Variants in TTLL1 observed in about 807,000 individuals in gnomAD.
TTLL1 encodes TTL family tubulin polyglutamylase complex subunit L1.
A neutral mutation model predicts 47.8 loss-of-function variants in TTLL1; 33 were observed. The ratio of observed to expected loss-of-function variants is 0.69; its 90% CI spans 0.52 to 0.92. The LOEUF (loss-of-function observed/expected upper bound fraction) is 0.92, where lower values mean the gene tolerates loss of function less well. Ranked by LOEUF, TTLL1 falls within the 40% of genes least tolerant of loss-of-function variation. The probability of loss-of-function intolerance (pLI) is 0.00; values close to 1 mark genes in which losing one functional copy is unlikely to be tolerated. For missense variants in TTLL1, 488 were observed against 547.5 expected, an observed-to-expected ratio of 0.89 and a Z score of 1.08; for synonymous variants, 225 against 214.1, an observed-to-expected ratio of 1.05 and a Z score of -0.45.
chr22:43,061,089 C>T (rs571619197), intron 7 of TTLL1, among the ~76,000 whole-genome samples: 1 of 152,134 alleles, frequency 6.6e-6, no homozygotes, highest in Non-Finnish European at 1.5e-5. Context: ...ACTCGGGGGG[C>T]TGAGGCAGAA....
chr22:43,065,626 A>G (rs1183106696), intron 5 of TTLL1, among the ~76,000 whole-genome samples: 1 of 151,796 alleles, frequency 6.6e-6, no homozygotes, highest in Non-Finnish European at 1.5e-5. Context: ...TGTGTTGCCC[A>G]GGCTGGAGTG....
At chr22:43,042,938 CTTTTT>C (rs59595664) in intron 10 of TTLL1, among the ~76,000 whole-genome samples, 3 of 129,740 alleles carry the variant, frequency 2.3e-5, no homozygotes, top group Admixed American at 7.7e-5. Context: ...GCTGCTTTTT[CTTTTT>C]TTTTTTTTTT....
intron 1 of TTLL1, among the ~76,000 whole-genome samples, chr22:43,088,462 G>A (rs1218076236): frequency 2.0e-5 from 3 of 149,368 alleles, no homozygotes; most frequent in Non-Finnish European, 4.4e-5. Flanking sequence ...TCAGCCTCCC[G>A]AGTAGCTGGG....
In TTLL1 at chr22:43,051,831, G is replaced by A. The variant is rs756215079; in HGVS notation, c.948C>T (p.Ile316=). ...CFECYGYDII[I]DDKLKPWLIE... ...TCAGCCAGGGCTTCAGCTTGTCGTC[G>A]ATGATGATGTCGTAGCCATAGCATT... The change falls in exon 9 of 11, where the codon ATC becomes ATT. Residue 316 remains isoleucine (I), a synonymous_variant. Transcript: ENST00000266254. 6.2e-6 allele frequency: 10 copies of A among 1,613,900 alleles called. No individual in the cohort carries two copies. The highest frequency in any genetic ancestry group is 7.6e-6 in the Non-Finnish European group (9 of 1,180,004).
chr22:43,067,696 A>C (rs1927828990), intron 5 of TTLL1, among the ~76,000 whole-genome samples: 1 of 152,026 alleles, frequency 6.6e-6, no homozygotes. Flanking sequence ...ACAGGCCAGG[A>C]ACAGTGAATC....
chr22:43,069,961 C>A (rs1193470716), intron 3 of TTLL1, 117 bp from the exon 4 acceptor site: 37 of 1,447,902 alleles, frequency 2.6e-5, no homozygotes, highest in Non-Finnish European at 3.4e-5. Context: ...ACTCCCACAT[C>A]CCCTGGCACC....
At chr22:43,059,923 C>G (rs761241347) in intron 7 of TTLL1, among the ~76,000 whole-genome samples, 6 of 152,184 alleles carry the variant, frequency 3.9e-5, no homozygotes, top group Admixed American at 2.6e-4. Context: ...CTCCTGGCCT[C>G]AAGGGATCCT....
intron 3 of TTLL1, among the ~76,000 whole-genome samples, chr22:43,071,490 A>AGAT (rs1198034792): frequency 6.6e-6 from 1 of 151,974 alleles, no homozygotes; most frequent in African/African-American, 2.4e-5. Flanking sequence ...GCTCACTGCA[A>AGAT]CCTCTGCCTC....
chr22:43,075,591 C>G lies in TTLL1; in HGVS notation c.-4-1G>C, dbSNP rs1251235083. 1.2e-6 allele frequency: 2 copies of G among 1,613,110 alleles called. No individual in the cohort carries two copies. The highest frequency in any genetic ancestry group is 4.5e-5 in the East Asian group (2 of 44,874). On this transcript the variant is annotated splice_acceptor_variant, in intron 2 of 10. Coordinates refer to ENST00000266254, the MANE Select transcript of TTLL1 (RefSeq NM_012263.5). LOFTEE classifies it low-confidence loss of function (5UTR_SPLICE). ...CCATTTTACTTTCCCTGCCATAATC[C>G]TGGAAGAGATCAAAATATTAGAGAT...
chr22:43,042,076 C>T (rs1190481432), intron 10 of TTLL1, among the ~76,000 whole-genome samples: 9 of 152,124 alleles, frequency 5.9e-5, no homozygotes, highest in African/African-American at 2.2e-4. Context: ...GTGGGGACTC[C>T]ACATTCATAA....
At position 43,044,731 on chromosome 22, in the gene TTLL1, C is replaced by T. The variant is rs562347507; in HGVS notation, c.1142+1679G>A. On this transcript the variant is annotated intron_variant, in intron 10 of 10. Coordinates refer to ENST00000266254, the MANE Select transcript of TTLL1 (RefSeq NM_012263.5). ...GCTCATGCATTCGCATGTAAGCCAC[C>T]GCACATGTCACTGTATGTACACACA... 9.2e-5 allele frequency among the ~76,000 whole-genome samples: 14 copies of T among 151,548 alleles called. No individual in the cohort carries two copies. The South Asian group carries it at 1.0e-3, about 11-fold the overall frequency.
At chr22:43,061,399 G>T (rs2146972970) in intron 7 of TTLL1, among the ~76,000 whole-genome samples, 1 of 152,274 alleles carries the variant, frequency 6.6e-6, no homozygotes, top group African/African-American at 2.4e-5. Flanking sequence ...GGCCCAGAGG[G>T]CTGGTGAGCT....
chr22:43,060,876 A>G (rs1175380766), intron 7 of TTLL1, among the ~76,000 whole-genome samples: 1 of 152,210 alleles, frequency 6.6e-6, no homozygotes, highest in African/African-American at 2.4e-5. Flanking sequence ...ACTGACTCAA[A>G]GCAGATAAAA....
intron 7 of TTLL1, among the ~76,000 whole-genome samples, chr22:43,061,253 G>T (rs1434954647): frequency 6.6e-6 from 1 of 152,178 alleles, no homozygotes; most frequent in Non-Finnish European, 1.5e-5. Flanking sequence ...TGCTTGCTTG[G>T]TTTACTCTGA....
chr22:43,080,840 A>ACATTCCTT (rs1488711051), intron 1 of TTLL1, among the ~76,000 whole-genome samples: 2 of 143,610 alleles, frequency 1.4e-5, no homozygotes, highest in East Asian at 4.2e-4. Context: ...CCCTTTAAGT[A>ACATTCCTT]CATTCCTTCT....
Position 43,064,331 on chromosome 22 carries a change from A to G in TTLL1, c.504-7T>C. 2 of 1,604,650 alleles carry G rather than the reference A, an allele frequency of 1.2e-6. No homozygotes were observed. Among genetic ancestry groups the G allele is most frequent in the Non-Finnish European group, 1.7e-6 (2 of 1,176,502 alleles). On this transcript the variant is annotated splice_region_variant and splice_polypyrimidine_tract_variant and intron_variant, in intron 5 of 10. Coordinates refer to ENST00000266254, the MANE Select transcript of TTLL1 (RefSeq NM_012263.5). ...ATTAGATTGAGACACAAACCTAAAC[A>G]TGGCAGAGAAAGTAAAAATTAGATG... is the stretch of plus-strand genomic sequence containing the variant.
intron 3 of TTLL1, chr22:43,070,116 T>C (rs906696919): frequency 5.4e-5 from 74 of 1,382,118 alleles, no homozygotes; most frequent in East Asian, 8.3e-5. Context: ...TAGATGTTTA[T>C]TGATTAGTGA....
At chr22:43,063,708 C>T (rs992005125) in intron 7 of TTLL1, 105 bp downstream of exon 7, 82 of 994,558 alleles carry the variant, frequency 8.2e-5, no homozygotes, top group Non-Finnish European at 1.2e-4. Context: ...TCAGGTGATC[C>T]ACCCGCCTCA....
intron 9 of TTLL1, among the ~76,000 whole-genome samples, chr22:43,049,262 G>T (rs1177067836): frequency 6.6e-6 from 1 of 151,874 alleles, no homozygotes; most frequent in Non-Finnish European, 1.5e-5. Context: ...GGTGGCTCAT[G>T]CCTGTAATCC....
Sources: allele counts gnomAD v4.1 joint callset (sites outside exome capture counted in the v4.1 genomes callset), GRCh38; gene constraint gnomAD v4.1.1; transcripts MANE v1.5; gene names NCBI Gene and HGNC (gene_info 2026-07-23, HGNC 2026-07-21).